Variants in GP6 observed in about 807,000 individuals in gnomAD.
The protein encoded by GP6 is platelet glycoprotein VI.
GP6 carries 45 observed loss-of-function variants against 37.3 expected under a neutral mutation model. The ratio of observed to expected loss-of-function variants is 1.21; its 90% confidence interval spans 0.95 to 1.55. GP6 has a LOEUF of 1.55. Ranked by LOEUF, GP6 falls within the 40% of genes most tolerant of loss-of-function variation. The pLI, the probability that GP6 is intolerant of heterozygous loss-of-function variation, is 0.00. For missense variants in GP6, 813 were observed against 760.2 expected (o/e 1.07, Z -0.82); for synonymous variants, 340 against 316.4 (o/e 1.07, Z -0.79).
intron 4 of GP6, 86 bp downstream of exon 4, chr19:55,027,491 TC>T (rs2074348477): frequency 3.7e-6 from 4 of 1,095,654 alleles, no homozygotes; most frequent in South Asian, 2.5e-5. Flanking sequence ...CCCTCCCACT[TC>T]CTTCCCACTT....
intron 4 of GP6, among the ~76,000 whole-genome samples, chr19:55,026,178 A>C (rs1267991366): frequency 2.0e-5 from 3 of 152,200 alleles, no homozygotes; most frequent in Non-Finnish European, 4.4e-5. Flanking sequence ...AGATTTTTCT[A>C]CCAAAAACTA....
At position 55,015,748 on chromosome 19, in the gene GP6, A is replaced by C; in HGVS notation, c.725-15T>G. Reference sequence around the variant, plus strand: ...CCTAGAAGTCTCTGGGAACCAAACAAAGGCTAAGTGTGAAATGAAACCATA... The same window carrying C: ...CCTAGAAGTCTCTGGGAACCAAACACAGGCTAAGTGTGAAATGAAACCATA... On this transcript the variant is annotated splice_polypyrimidine_tract_variant and intron_variant, in intron 6 of 7. Transcript: ENST00000310373. The C allele has an allele frequency of 2.1e-6, 3 of 1,451,942 alleles. No individual in the cohort carries two copies. Among genetic ancestry groups the C allele is most frequent in the Non-Finnish European group, 2.9e-6 (3 of 1,030,912 alleles). 89.9% of individuals were successfully genotyped at this position (1,451,942 alleles called of 1,614,324 possible).
intron 1 of GP6, among the ~76,000 whole-genome samples, chr19:55,033,150 G>A (rs2074659890): frequency 2.0e-5 from 3 of 148,804 alleles, no homozygotes; most frequent in South Asian, 2.1e-4. Flanking sequence ...CGGTGGGTTC[G>A]TTCGTGTTAG....
At position 55,014,120 on chromosome 19, in the gene GP6, T is replaced by C. The variant is rs746533320; in HGVS notation, c.1825A>G (p.Lys609Glu). ...ATTGACATATTCATCCCTGTATTTT[T>C]TGAGACAAAGTCAGGCTTCGTCACC... is the stretch of plus-strand genomic sequence containing the variant. The change falls in exon 8 of 8, where the codon AAA (lysine) becomes GAA (glutamate). Residue 609 changes from lysine (K) to glutamate (E), a missense_variant. Physicochemically the swap from Lys to Glu is moderately conservative, Grantham distance 56. Transcript: ENST00000310373. The C allele has an allele frequency of 3.3e-5, 23 of 687,004 alleles. No homozygotes were observed. Among genetic ancestry groups the C allele is most frequent in the South Asian group, 3.0e-4 (20 of 66,636 alleles). 42.6% of individuals were successfully genotyped at this position (687,004 alleles called of 1,614,324 possible). A position where few individuals can be genotyped will look rare whatever the true frequency, so the allele number is the denominator to read the frequency against.
intron 1 of GP6, among the ~76,000 whole-genome samples, chr19:55,036,565 G>C (rs980091492): frequency 1.4e-4 from 21 of 152,104 alleles, no homozygotes; most frequent in African/African-American, 4.6e-4. Context: ...CAGGCATGAT[G>C]GTGTACAACT....
Position 55,027,783 on chromosome 19 carries a change from C to A in GP6, c.405G>T (p.Gln135His), listed in dbSNP as rs550808731. The A allele has an allele frequency of 2.5e-6, 4 of 1,614,040 alleles. No individual in the cohort carries two copies. Among genetic ancestry groups the A allele is most frequent in the African/African-American group, 1.3e-5 (1 of 75,070 alleles). ...CAAATTGGTCAAAGCCATACCGAGT[C>A]TGACACTGTAGGGTTACGTCCCCTC... The change falls in exon 4 of 8, where the codon CAG (glutamine) becomes CAT (histidine). Residue 135 changes from glutamine to histidine, a missense_variant. Gln to His is a conservative substitution (Grantham distance 24). Transcript: ENST00000310373.
In GP6 at chr19:55,014,862, G is replaced by T. The variant is rs755827734; in HGVS notation, c.1083C>A (p.Leu361=). ...CCACGCTCCACACACGCCAGTCTTT[G>T]AGTCGCCTCCCATGCCATGATCCCT... The change falls in exon 8 of 8, where the codon CTC becomes CTA. Residue 361 remains leucine (L), a synonymous_variant. Transcript: ENST00000310373. 2 of 1,613,908 alleles carry T rather than the reference G, an allele frequency of 1.2e-6. No individual in the cohort carries two copies. The highest frequency in any genetic ancestry group is 1.7e-6 in the Non-Finnish European group (2 of 1,180,026).
Position 55,015,695 on chromosome 19 carries a change from C to G in GP6, c.763G>C (p.Asp255His), listed in dbSNP as rs770106401. The G allele has an allele frequency of 3.8e-6, 6 of 1,581,124 alleles. No homozygotes were observed. Among genetic ancestry groups the G allele is most frequent in the Admixed American group, 1.7e-5 (1 of 59,932 alleles). Residue 255 changes from aspartate to histidine, a missense_variant, in exon 7 of 8, where the codon GAC becomes CAC. Coordinates refer to ENST00000310373, the MANE Select transcript of GP6 (RefSeq NM_001083899.2). ...ATGACTTACTCACCAGCTGGAGAGT[C>G]TGACTCCTTTGGACTGGCGGTGATA...
chr19:55,015,201 A>G, intron 7 of GP6, 36 bp from the exon 8 acceptor site: 1 of 1,550,616 alleles, frequency 6.4e-7, no homozygotes. Flanking sequence ...CAGGTGAAAG[A>G]GCCCACCTCC....
At chr19:55,025,994 T>TC (rs1168307822) in intron 4 of GP6, among the ~76,000 whole-genome samples, 9 of 25,238 alleles carry the variant, frequency 3.6e-4, no homozygotes, top group South Asian at 1.4e-3. Flanking sequence ...AAAGTGAGAC[T>TC]CCCCCCAAAA....
chr19:55,032,846 T>TGTTCGTGTTAGACACGGTGGGTTC (rs2074620439), intron 1 of GP6: 3 of 490,614 alleles, frequency 6.1e-6, no homozygotes, highest in Non-Finnish European at 1.1e-5. Context: ...TCTGTGGACT[T>TGTTCGTGTTAGACACGGTGGGTTC]GTTCGTGTTA....
intron 6 of GP6, among the ~76,000 whole-genome samples, chr19:55,016,780 G>GC (rs2073891708): frequency 6.6e-6 from 1 of 151,500 alleles, no homozygotes; most frequent in Non-Finnish European, 1.5e-5. Flanking sequence ...GGCCAGGCAT[G>GC]ACACTGGCTG....
rs372168591 is a variant in GP6, at chr19:55,014,200, C to A, written c.1745G>T (p.Ser582Ile). ...CTCACTGCAACCTCTGCCTCCCAGGCTCAAGCCATTCTCCCACCTCAGCCC... is the reference window on the plus strand; with the variant it reads ...CTCACTGCAACCTCTGCCTCCCAGGATCAAGCCATTCTCCCACCTCAGCCC... Residue 582 changes from serine (S) to isoleucine (I), a missense_variant, in exon 8 of 8, where the codon AGC (serine) becomes ATC (isoleucine). Ser to Ile is a moderately radical substitution (Grantham distance 142, BLOSUM62 -2). Coordinates refer to ENST00000310373, the MANE Select transcript of GP6 (RefSeq NM_001083899.2). 1.9e-5 allele frequency: 14 copies of A among 738,216 alleles called. No homozygotes were observed. Among genetic ancestry groups the A allele is most frequent in the East Asian group, 1.0e-4 (4 of 38,820 alleles). 45.7% of individuals were successfully genotyped at this position (738,216 alleles called of 1,614,324 possible).
chr19:55,033,512 G>GGTGGGCTCGTTCGTGTTGTGTTAGACACA (rs2074693007), intron 1 of GP6, among the ~76,000 whole-genome samples: 3 of 84,130 alleles, frequency 3.6e-5, no homozygotes, highest in South Asian at 3.3e-4. Flanking sequence ...TGTTAGACAC[G>GGTGGGCTCGTTCGTGTTGTGTTAGACACA]GTGGGCTCGT....
intron 4 of GP6, among the ~76,000 whole-genome samples, chr19:55,026,445 T>G (rs370773342): frequency 3.4e-5 from 2 of 59,120 alleles, no homozygotes; most frequent in African/African-American, 8.1e-5. Context: ...GTTGTCCTTT[T>G]GTGACTGACT....
At position 55,014,079 on chromosome 19, in the gene GP6, T is replaced by C. The variant is rs1201463098; in HGVS notation, c.*3A>G. The C allele has an allele frequency of 3.1e-6, 2 of 642,670 alleles. No individual in the cohort carries two copies. Among genetic ancestry groups the C allele is most frequent in the Admixed American group, 2.1e-5 (1 of 48,006 alleles). 39.8% of individuals were successfully genotyped at this position (642,670 alleles called of 1,614,324 possible). On this transcript the variant is annotated 3_prime_UTR_variant, in exon 8 of 8. Transcript: ENST00000310373. Reference sequence around the variant, plus strand: ...TGCAGTACATGTATACAACGTGCTATGATCAAATCAGGGTAATTGACATAT... The same window carrying C: ...TGCAGTACATGTATACAACGTGCTACGATCAAATCAGGGTAATTGACATAT...
At chr19:55,030,934 G>A (rs574182113) in intron 3 of GP6, among the ~76,000 whole-genome samples, 38 of 151,566 alleles carry the variant, frequency 2.5e-4, no homozygotes, top group African/African-American at 8.0e-4. Context: ...CTGCAGCCTC[G>A]GCCTCCCTGG....
At chr19:55,025,156 G>A (rs1240269417) in intron 5 of GP6, 62 bp downstream of exon 5, 8 of 841,692 alleles carry the variant, frequency 9.5e-6, no homozygotes, top group Non-Finnish European at 1.0e-5. Flanking sequence ...GCAGAGAGGA[G>A]AGAGAGAAGG....
Position 55,027,444 on chromosome 19 carries a change from C to T in GP6, c.610+134G>A. ...GCTTCCTGCCCTCCCACTTCCTTCC[C>T]ACCTACGGCCCCGCCCCTGCAGCCC... On this transcript the variant is annotated intron_variant, in intron 4 of 7. Coordinates refer to ENST00000310373, the MANE Select transcript of GP6 (RefSeq NM_001083899.2). The T allele has an allele frequency of 7.7e-6, 5 of 651,382 alleles. No individual in the cohort carries two copies. In the South Asian group the frequency reaches 8.8e-5, roughly 12 times the overall value. 40.4% of individuals were successfully genotyped at this position (651,382 alleles called of 1,614,324 possible).
Sources: gnomAD v4.1 joint callset for allele counts (sites outside exome capture counted in the v4.1 genomes callset) on GRCh38, gnomAD v4.1.1 for gene constraint, MANE v1.5 for transcripts, NCBI Gene and HGNC (gene_info 2026-07-23, HGNC 2026-07-21) for gene names.